The following SCIN variants were observed in gnomAD, a reference collection of about 807,000 sequenced individuals.
SCIN encodes the protein adseverin.
Under a neutral mutation model 91.8 loss-of-function variants are expected in SCIN, and 91 were observed. The ratio of observed to expected loss-of-function variants is 0.99; its 90% CI spans 0.84 to 1.18. SCIN has a LOEUF of 1.18. SCIN is among the 50% of genes most tolerant of loss of function. SCIN has a pLI of 0.00. For synonymous variants in SCIN, 367 were observed against 312.6 expected (o/e 1.17, Z -1.84); for missense variants, 1,087 against 863.9 (o/e 1.26, Z -3.24).
chr7:12,602,035 A>G (rs998335564), intron 3 of SCIN, among the ~76,000 whole-genome samples: 7 of 152,294 alleles, frequency 4.6e-5, no homozygotes, highest in African/African-American at 1.7e-4. Context: ...TTTAAGCCCC[A>G]GGTTGGGAGC....
At chr7:12,628,362 C>T (rs1289241417) in intron 8 of SCIN, among the ~76,000 whole-genome samples, 2 of 152,146 alleles carry the variant, frequency 1.3e-5, no homozygotes, top group East Asian at 1.9e-4. Context: ...TATTTCTCAC[C>T]AGTCTGGAGG....
Position 12,645,377 on chromosome 7 carries a change from G to A in SCIN, c.1881+672G>A, listed in dbSNP as rs530656328. On this transcript the variant is annotated intron_variant, in intron 13 of 15. Coordinates refer to ENST00000297029, the MANE Select transcript of SCIN (RefSeq NM_001112706.3). ...CAGTGAGATAGAACCTAACAACGCC[G>A]GGAAGGGCATTCCCATGTGGCTCTG... 4.6e-5 allele frequency among the ~76,000 whole-genome samples: 7 copies of A among 152,148 alleles called. No homozygotes were observed. The East Asian group carries it at 1.2e-3, about 25-fold the overall frequency.
At chr7:12,635,964 C>T in intron 9 of SCIN, 81 bp from the exon 10 acceptor site, 1 of 960,160 alleles carries the variant, frequency 1.0e-6, no homozygotes, top group South Asian at 1.4e-5. Context: ...TTCATAATAA[C>T]TTGTCTCTGC....
chr7:12,596,367 A>G (rs774282893), intron 3 of SCIN: 8 of 455,326 alleles, frequency 1.8e-5, no homozygotes, highest in Non-Finnish European at 3.5e-5. Flanking sequence ...ATTAAGTGCA[A>G]TAGGTGTGGA....
chr7:12,587,581 C>A (rs1782615399), intron 3 of SCIN, among the ~76,000 whole-genome samples: 1 of 151,642 alleles, frequency 6.6e-6, no homozygotes, highest in Non-Finnish European at 1.5e-5. Context: ...CTACTGCATT[C>A]TTCTCAGGAA....
intron 8 of SCIN, 94 bp from the exon 9 acceptor site, chr7:12,629,006 AT>A: frequency 9.4e-7 from 1 of 1,064,076 alleles, no homozygotes; most frequent in Non-Finnish European, 1.3e-6. Context: ...AAGTTGTTTA[AT>A]AATGGATTTG....
intron 12 of SCIN, 133 bp downstream of exon 12, chr7:12,644,448 G>A (rs1217168134): frequency 7.0e-7 from 1 of 1,436,476 alleles, no homozygotes; most frequent in African/African-American, 1.4e-5. Context: ...TGCAGAGGTG[G>A]GTGGGTGATG....
At position 12,612,369 on chromosome 7, in the gene SCIN, C is replaced by T. The variant is rs535133196; in HGVS notation, c.666+7706C>T. On this transcript the variant is annotated intron_variant, in intron 4 of 15. Transcript: ENST00000297029. ...TTAAGTTAAAGGGAGCAAATATATT[C>T]GCAACCCTCTCTAAATTAGTCCTGA... is the stretch of plus-strand genomic sequence containing the variant. Among the ~76,000 whole-genome samples the T allele has an allele frequency of 1.1e-4, 17 of 152,204 alleles. No homozygotes were observed. The East Asian group carries it at 2.7e-3, about 24-fold the overall frequency.
At chr7:12,596,332 T>G (rs769805135) in intron 3 of SCIN, 1 of 456,120 alleles carries the variant, frequency 2.2e-6, no homozygotes, top group East Asian at 7.0e-5. Context: ...CCCAAGAAGT[T>G]GCTTCTCCCT....
At chr7:12,608,607 A>G (rs1783128830) in intron 4 of SCIN, among the ~76,000 whole-genome samples, 1 of 152,000 alleles carries the variant, frequency 6.6e-6, no homozygotes, top group Non-Finnish European at 1.5e-5. Flanking sequence ...CTTCCCAAGT[A>G]GCTAGGATTA....
Position 12,644,175 on chromosome 7 carries a change from T to C in SCIN, c.1619T>C (p.Val540Ala), listed in dbSNP as rs1783910410. 2 of 1,612,980 alleles carry C rather than the reference T, an allele frequency of 1.2e-6. No homozygotes were observed. The highest frequency in any genetic ancestry group is 2.2e-5 in the South Asian group (2 of 90,880). ...GCAAATTCACTGAATTCTAACGATGTTTTTGTCCTGAAACTGCCACAAAAT... is the reference window on the plus strand; with the variant it reads ...GCAAATTCACTGAATTCTAACGATGCTTTTGTCCTGAAACTGCCACAAAAT... ...VDANSLNSND[V>A]FVLKLPQNSG... The change falls in exon 12 of 16, where the codon GTT becomes GCT. Residue 540 changes from valine (V) to alanine (A), a missense_variant. Physicochemically the swap from Val to Ala is moderately conservative, Grantham distance 64 (BLOSUM62 0). Transcript: ENST00000297029.
At chr7:12,619,658 C>T (rs1195755088) in intron 4 of SCIN, among the ~76,000 whole-genome samples, 2 of 152,086 alleles carry the variant, frequency 1.3e-5, no homozygotes, top group Non-Finnish European at 2.9e-5. Flanking sequence ...ATGGGCATGG[C>T]TTCCATATGG....
In SCIN at chr7:12,581,147, G is replaced by C; in HGVS notation, c.442G>C (p.Val148Leu). 1 of 1,551,512 alleles carries C rather than the reference G, an allele frequency of 6.4e-7. No individual in the cohort carries two copies. The highest frequency in any genetic ancestry group is 8.7e-7 in the Non-Finnish European group (1 of 1,146,840). ...CCTACATGTGAAGGGTCGTAGAGTGGTGAGAGCCACAGAAGTTCCCCTTAG... is the reference window on the plus strand; with the variant it reads ...CCTACATGTGAAGGGTCGTAGAGTGCTGAGAGCCACAGAAGTTCCCCTTAG... ...RLLHVKGRRV[V>L]RATEVPLSWD... The change falls in exon 3 of 16, where the codon GTG (valine) becomes CTG (leucine). Residue 148 changes from valine (V) to leucine (L), a missense_variant. Coordinates refer to ENST00000297029, the MANE Select transcript of SCIN (RefSeq NM_001112706.3).
intron 3 of SCIN, among the ~76,000 whole-genome samples, chr7:12,585,539 T>C (rs182108013): frequency 6.6e-6 from 1 of 152,304 alleles, no homozygotes. Flanking sequence ...TTCAGATATT[T>C]CATGTTATGT....
intron 3 of SCIN, among the ~76,000 whole-genome samples, chr7:12,601,022 C>T (rs34199326): frequency 0.24 from 36,150 of 152,096 alleles, 4,692 homozygotes; most frequent in East Asian, 0.37. Context: ...AATAGAAGTG[C>T]ACTATTCTTT....
intron 3 of SCIN, chr7:12,596,330 G>A: frequency 2.2e-6 from 1 of 456,114 alleles, no homozygotes; most frequent in Non-Finnish European, 4.4e-6. Context: ...TCCCCAAGAA[G>A]TTGCTTCTCC....
At chr7:12,642,871 C>T (rs553854364) in intron 11 of SCIN, among the ~76,000 whole-genome samples, 19 of 152,158 alleles carry the variant, frequency 1.2e-4, no homozygotes, top group South Asian at 2.1e-4. Flanking sequence ...CTCCAAGTCT[C>T]GGCCTTGGCC....
Position 12,622,872 on chromosome 7 carries a change from G to A in SCIN, c.738G>A (p.Arg246=). The change falls in exon 5 of 16, where the codon AGG becomes AGA. Residue 246 remains arginine, a synonymous_variant. Transcript: ENST00000297029. ...DDDIIADISN[R]KMAKLYMVSD... is the part of the protein sequence containing the mutation. ...ACATTATAGCAGACATAAGTAACAG[G>A]AAAATGGCTAAACTATACATGGTGA... The A allele has an allele frequency of 6.2e-7, 1 of 1,612,432 alleles. No individual in the cohort carries two copies. The highest frequency in any genetic ancestry group is 8.5e-7 in the Non-Finnish European group (1 of 1,178,878).
At chr7:12,617,807 C>T (rs1378851629) in intron 4 of SCIN, among the ~76,000 whole-genome samples, 2 of 152,084 alleles carry the variant, frequency 1.3e-5, no homozygotes, top group African/African-American at 4.8e-5. Flanking sequence ...ATCTGAATTT[C>T]TAGAGATTGG....
Sources: gnomAD v4.1 joint callset for allele counts (sites outside exome capture counted in the v4.1 genomes callset) on GRCh38, gnomAD v4.1.1 for gene constraint, MANE v1.5 for transcripts, NCBI Gene and HGNC (gene_info 2026-07-23, HGNC 2026-07-21) for gene names.